Variants in CCNY observed in about 807,000 individuals in gnomAD.
CCNY encodes the protein cyclin-Y.
A neutral mutation model predicts 42.8 loss-of-function variants in CCNY; 19 were observed. The observed-to-expected ratio is 0.44, with a 90% confidence interval of 0.31 to 0.65. CCNY has a LOEUF of 0.65. Ranked by LOEUF, CCNY falls within the 30% of genes least tolerant of loss-of-function variation. The probability of loss-of-function intolerance (pLI) is 0.07; values close to 1 mark genes in which losing one functional copy is unlikely to be tolerated. For missense variants in CCNY, 370 were observed against 437.3 expected (o/e 0.85, Z 1.37); for synonymous variants, 165 against 162.7 (o/e 1.01, Z -0.11).
intron 2 of CCNY, among the ~76,000 whole-genome samples, chr10:35,497,894 A>T (rs561937101): frequency 6.6e-6 from 1 of 152,240 alleles, no homozygotes; most frequent in East Asian, 1.9e-4. Flanking sequence ...AGCTGTTAGG[A>T]CTAAGGCAGC....
chr10:35,444,341 G>C (rs573906999), intron 1 of CCNY, among the ~76,000 whole-genome samples: 1 of 150,224 alleles, frequency 6.7e-6, no homozygotes, highest in Non-Finnish European at 1.5e-5. Context: ...TCTGCCCCCC[G>C]GGTTCAAGCT....
At position 35,530,124 on chromosome 10, in the gene CCNY, A is replaced by G; in HGVS notation, c.460A>G (p.Lys154Glu). ...CATCTGAAAATATTTTCTTCCCCAG[A>G]AATCCGAAGTGCCACCAGATTATGA... ...IFDENLHPLS[K>E]SEVPPDYDKH... Residue 154 changes from lysine to glutamate, a missense_variant and splice_region_variant, in exon 7 of 10, where the codon AAA becomes GAA. This residue lies in a region of CCNY where 234 missense variants were observed against 313.1 expected (regional missense o/e 0.75). Transcript: ENST00000374704. This position sits in a 1 kb window ranked among gnomAD's most constrained non-coding sequence, Gnocchi z 4.3. 6.2e-7 allele frequency: 1 copy of G among 1,614,190 alleles called. No individual in the cohort carries two copies. The highest frequency in any genetic ancestry group is 2.2e-5 in the East Asian group (1 of 44,884).
Position 35,467,289 on chromosome 10 carries a change from TGTC to T in CCNY, c.155-16114_155-16112del, listed in dbSNP as rs530867656. Reference sequence around the variant, plus strand: ...GCTTAGTAAATGGATTATTTTTTATTGTCATTATTAGTATGCTAATTGTTTATT... The same window carrying T: ...GCTTAGTAAATGGATTATTTTTTATTATTATTAGTATGCTAATTGTTTATT... On this transcript the variant is annotated intron_variant, in intron 1 of 9. Transcript: ENST00000374704. 1.2e-4 allele frequency among the ~76,000 whole-genome samples: 19 copies of T among 152,360 alleles called. No homozygotes were observed. In the East Asian group the frequency reaches 2.9e-3, roughly 23 times the overall value.
intron 1 of CCNY, among the ~76,000 whole-genome samples, chr10:35,444,315 T>A (rs1206135998): frequency 1.3e-5 from 2 of 151,566 alleles, no homozygotes; most frequent in Non-Finnish European, 2.9e-5. Flanking sequence ...GTGCGTGATC[T>A]TGGCTCACTG....
intron 1 of CCNY, among the ~76,000 whole-genome samples, chr10:35,353,319 G>C (rs879557968): frequency 2.6e-5 from 4 of 152,160 alleles, no homozygotes; most frequent in African/African-American, 9.7e-5. Flanking sequence ...TCATTAAGAG[G>C]ACGTTTGTTG....
At position 35,385,874 on chromosome 10, in the gene CCNY, C is replaced by T. The variant is rs570605436; in HGVS notation, c.154+48667C>T. Among the ~76,000 whole-genome samples the T allele has an allele frequency of 5.9e-5, 9 of 152,262 alleles. No homozygotes were observed. In the South Asian group the frequency reaches 1.9e-3, roughly 32 times the overall value. ...CTCAGCCTCTTGAAAGAGAAAAGGTCAGCATCATCTTAGGGATTTCATTGA... is the reference window on the plus strand; with the variant it reads ...CTCAGCCTCTTGAAAGAGAAAAGGTTAGCATCATCTTAGGGATTTCATTGA... On this transcript the variant is annotated intron_variant, in intron 1 of 9. Transcript: ENST00000374704.
intron 3 of CCNY, among the ~76,000 whole-genome samples, chr10:35,323,131 G>C (rs1835840080): frequency 6.6e-6 from 1 of 152,122 alleles, no homozygotes; most frequent in African/African-American, 2.4e-5. Context: ...GTTTCGTCAT[G>C]TTGGCCAGGC....
At chr10:35,526,137 A>G (rs1335184817) in intron 5 of CCNY, 138 bp downstream of exon 5, 34 of 770,452 alleles carry the variant, frequency 4.4e-5, no homozygotes, top group Non-Finnish European at 2.2e-5. Flanking sequence ...TAAAGGTAAT[A>G]TAATTTACTA....
chr10:35,323,112 A>C (rs1033324624), intron 3 of CCNY, among the ~76,000 whole-genome samples: 1 of 152,100 alleles, frequency 6.6e-6, no homozygotes, highest in Non-Finnish European at 1.5e-5. Flanking sequence ...TATTTTTAGT[A>C]GACACAGGGT....
At chr10:35,446,531 G>A (rs1838793650) in intron 1 of CCNY, among the ~76,000 whole-genome samples, 1 of 152,218 alleles carries the variant, frequency 6.6e-6, no homozygotes, top group Admixed American at 6.5e-5. Flanking sequence ...GTAAAAGTGT[G>A]GTAGTGTAGA....
exon 2 of CCNY, chr10:35,248,171 C>T (rs1020253554): frequency 6.6e-6 from 1 of 152,398 alleles, no homozygotes; most frequent in Non-Finnish European, 1.5e-5. Context: ...AAGAGCTGAA[C>T]TGGGACTAGA....
intron 3 of CCNY, among the ~76,000 whole-genome samples, chr10:35,303,460 G>A (rs115628902): frequency 3.9e-4 from 59 of 151,130 alleles, no homozygotes; most frequent in African/African-American, 1.2e-3. Flanking sequence ...GATTACAGGC[G>A]AAAGACCATG....
At chr10:35,418,559 G>C (rs185216900) in intron 1 of CCNY, among the ~76,000 whole-genome samples, 1 of 152,166 alleles carries the variant, frequency 6.6e-6, no homozygotes, top group African/African-American at 2.4e-5. Flanking sequence ...TGGTGTGGTC[G>C]TGGTGCCCCA....
intron 2 of CCNY, chr10:35,250,400 G>A (rs2135019871): frequency 6.6e-6 from 1 of 152,202 alleles, no homozygotes; most frequent in African/African-American, 2.4e-5. Context: ...AGGACAGAAT[G>A]AAGCCATGAA....
At chr10:35,504,614 A>G (rs532320382) in intron 3 of CCNY, among the ~76,000 whole-genome samples, 1 of 152,254 alleles carries the variant, frequency 6.6e-6, no homozygotes, top group Admixed American at 6.5e-5. Context: ...GTGAACAGGT[A>G]TAGGAAGGTT....
chr10:35,557,005 T>C (rs976873316), intron 8 of CCNY, among the ~76,000 whole-genome samples: 6 of 152,118 alleles, frequency 3.9e-5, no homozygotes, highest in African/African-American at 1.4e-4. Context: ...CCATTAGTCC[T>C]GACTAATTTT....
chr10:35,334,057 G>GT (rs1835978624), upstream of CCNY, among the ~76,000 whole-genome samples: 1 of 112,540 alleles, frequency 8.9e-6, no homozygotes. Flanking sequence ...GAGGGGGGCG[G>GT]GGCACAAAAA....
At chr10:35,271,058 A>G (rs1290719799) in intron 3 of CCNY, among the ~76,000 whole-genome samples, 4 of 152,168 alleles carry the variant, frequency 2.6e-5, no homozygotes, top group African/African-American at 9.7e-5. Flanking sequence ...AGTTTATAAC[A>G]GTTTCTGGCC....
intron 3 of CCNY, among the ~76,000 whole-genome samples, chr10:35,261,239 ATTT>A (rs58071660): frequency 1.5e-5 from 2 of 132,196 alleles, no homozygotes; most frequent in East Asian, 2.2e-4. Flanking sequence ...AAAAAAAAAA[ATTT>A]TTTTTTTTTT....
Sources: gnomAD v4.1 joint callset for allele counts (sites outside exome capture counted in the v4.1 genomes callset) on GRCh38, gnomAD v4.1.1 for gene constraint, gnomAD v4.1.1 regional missense constraint, Gnocchi (gnomAD v3.1) non-coding constraint, MANE v1.5 for transcripts, NCBI Gene and HGNC (gene_info 2026-07-23, HGNC 2026-07-21) for gene names.